Variants in PLCL1 observed in about 807,000 individuals in gnomAD.
The protein encoded by PLCL1 is inactive phospholipase C-like protein 1.
PLCL1 carries 41 observed loss-of-function variants against 84.4 expected under a neutral mutation model. That is an observed-to-expected ratio of 0.49 (90% CI 0.38 to 0.63). PLCL1 has a LOEUF of 0.63. Among genes scored for constraint, PLCL1 ranks in the 30% least tolerant of loss-of-function variants. The pLI is 0.00. For synonymous variants in PLCL1, 490 were observed against 488.3 expected (o/e 1.00, Z -0.05); for missense variants, 1,206 against 1,367.8 (o/e 0.88, Z 1.87).
In PLCL1 at chr2:198,084,255, A is replaced by G. The variant is rs757779881; in HGVS notation, c.738A>G (p.Thr246=). Residue 246 remains threonine (T), a synonymous_variant, in exon 2 of 6, where the codon ACA becomes ACG. Transcript: ENST00000428675. Reference sequence around the variant, plus strand: ...CACCACGGTTCATGTGGTTGAAAACAGTGTTTGAAGCAGCAGATGTTGATG... The same window carrying G: ...CACCACGGTTCATGTGGTTGAAAACGGTGTTTGAAGCAGCAGATGTTGATG... The part of the protein sequence containing the change: ...QNTPRFMWLK[T]VFEAADVDGN... 6.2e-7 allele frequency: 1 copy of G among 1,614,166 alleles called. No homozygotes were observed. The highest frequency in any genetic ancestry group is 1.1e-5 in the South Asian group (1 of 91,086).
chr2:197,868,704 G>A (rs1377438073), intron 1 of PLCL1, among the ~76,000 whole-genome samples: 3 of 147,396 alleles, frequency 2.0e-5, no homozygotes, highest in Admixed American at 6.8e-5. Flanking sequence ...ATAAGGTCTC[G>A]CTTTTTTTTT....
At chr2:198,030,675 T>G (rs1209071854) in intron 1 of PLCL1, among the ~76,000 whole-genome samples, 1 of 152,224 alleles carries the variant, frequency 6.6e-6, no homozygotes, top group Non-Finnish European at 1.5e-5. Flanking sequence ...CTTTAACAGC[T>G]CTGTGAGGTG....
chr2:197,826,385 C>T (rs1341206434), intron 1 of PLCL1, among the ~76,000 whole-genome samples: 1 of 152,098 alleles, frequency 6.6e-6, no homozygotes, highest in Non-Finnish European at 1.5e-5. Context: ...CTCTTTCCTT[C>T]AAATATTGAA....
chr2:198,036,806 C>T (rs1038980129), intron 1 of PLCL1, among the ~76,000 whole-genome samples: 3 of 149,750 alleles, frequency 2.0e-5, no homozygotes, highest in African/African-American at 7.2e-5. Flanking sequence ...AAATACTTAA[C>T]AGCAAGCAAA....
rs768500563 is a variant in PLCL1 at position 198,084,090 on chromosome 2, C to T, written c.573C>T (p.Ser191=). 2.2e-5 allele frequency: 35 copies of T among 1,614,036 alleles called. No individual in the cohort carries two copies. In the Middle Eastern group the frequency reaches 3.6e-3, roughly 167 times the overall value. Residue 191 remains serine, a synonymous_variant, in exon 2 of 6, where the codon TCC becomes TCT. Transcript: ENST00000428675. The part of the protein sequence containing the change: ...ADQICEDCAF[S]ILHGENYESL... The stretch of plus-strand genomic sequence containing the variant: ...AGATCTGTGAGGACTGTGCCTTTTC[C>T]ATACTCCACGGGGAAAACTATGAGT...
intron 1 of PLCL1, among the ~76,000 whole-genome samples, chr2:197,823,847 A>T (rs1690869819): frequency 6.6e-6 from 1 of 152,024 alleles, no homozygotes; most frequent in Non-Finnish European, 1.5e-5. Context: ...TCTGTAAACC[A>T]CTCCTCAGTA....
chr2:198,102,704 T>G (rs1374737740), intron 4 of PLCL1, among the ~76,000 whole-genome samples: 1 of 152,090 alleles, frequency 6.6e-6, no homozygotes, highest in African/African-American at 2.4e-5. Context: ...GAGAGAAGAC[T>G]TGAAGGGATT....
At position 197,917,714 on chromosome 2, in the gene PLCL1, T is replaced by C. The variant is rs116636067; in HGVS notation, c.240+112375T>C. On this transcript the variant is annotated intron_variant, in intron 1 of 5. Transcript: ENST00000428675. Reference sequence around the variant, plus strand: ...CCAAGGAAAAGGAACCAAGGCTCCTTATGTAAGTGGATGATTCTAGGACTG... The same window carrying C: ...CCAAGGAAAAGGAACCAAGGCTCCTCATGTAAGTGGATGATTCTAGGACTG... 9.2e-3 allele frequency among the ~76,000 whole-genome samples: 1,397 copies of C among 152,166 alleles called. 21 individuals carry two copies. Among genetic ancestry groups the C allele is most frequent in the African/African-American group, 0.032 (1,340 of 41,488 alleles).
intron 1 of PLCL1, among the ~76,000 whole-genome samples, chr2:198,058,370 G>A (rs1317013078): frequency 2.0e-5 from 3 of 151,910 alleles, no homozygotes; most frequent in Admixed American, 2.0e-4. Context: ...TTCTCAAGGT[G>A]TCTACTGTAA....
intron 1 of PLCL1, among the ~76,000 whole-genome samples, chr2:197,944,687 C>T (rs1689235918): frequency 6.6e-6 from 1 of 152,176 alleles, no homozygotes; most frequent in South Asian, 2.1e-4. Flanking sequence ...AGCTGCAGCT[C>T]ACCAATGATG....
At chr2:197,983,860 A>G (rs1690167942) in intron 1 of PLCL1, among the ~76,000 whole-genome samples, 3 of 152,176 alleles carry the variant, frequency 2.0e-5, no homozygotes, top group African/African-American at 4.8e-5. Context: ...AAAATACACA[A>G]AGGATTACAG....
chr2:198,004,324 T>C (rs1690676120), intron 1 of PLCL1, among the ~76,000 whole-genome samples: 1 of 152,188 alleles, frequency 6.6e-6, no homozygotes, highest in Non-Finnish European at 1.5e-5. Flanking sequence ...ATTCAGTTCC[T>C]TGATGGATCA....
intron 5 of PLCL1, among the ~76,000 whole-genome samples, chr2:198,138,368 A>G (rs762077665): frequency 2.6e-5 from 4 of 152,080 alleles, no homozygotes; most frequent in Non-Finnish European, 5.9e-5. Flanking sequence ...AGAACTTACT[A>G]TCACAAGAAC....
intron 1 of PLCL1, among the ~76,000 whole-genome samples, chr2:198,030,312 A>G (rs972889186): frequency 6.6e-6 from 1 of 152,124 alleles, no homozygotes; most frequent in African/African-American, 2.4e-5. Flanking sequence ...AATGGCCTCC[A>G]TCTCTGTCTT....
At chr2:197,901,029 A>G (rs888511977) in intron 1 of PLCL1, among the ~76,000 whole-genome samples, 3 of 152,334 alleles carry the variant, frequency 2.0e-5, no homozygotes, top group Non-Finnish European at 4.4e-5. Context: ...AAAATGGATT[A>G]GGTACATACA....
At chr2:198,105,199 A>T (rs1334783638) in intron 5 of PLCL1, among the ~76,000 whole-genome samples, 2 of 151,916 alleles carry the variant, frequency 1.3e-5, no homozygotes, top group African/African-American at 4.8e-5. Flanking sequence ...TGTATATGGT[A>T]CAAGGAAGAG....
chr2:197,983,256 C>G (rs1249231477), intron 1 of PLCL1, among the ~76,000 whole-genome samples: 2 of 88,996 alleles, frequency 2.2e-5, no homozygotes, highest in African/African-American at 4.1e-5. Flanking sequence ...GGGTCTTGCT[C>G]TGTTGCTGAG....
intron 1 of PLCL1, among the ~76,000 whole-genome samples, chr2:197,811,872 A>G (rs1690594994): frequency 6.6e-6 from 1 of 152,062 alleles, no homozygotes; most frequent in African/African-American, 2.4e-5. Flanking sequence ...CCTTGGGTAA[A>G]TTGCATGTTG....
At chr2:198,035,030 T>C (rs920973849) in intron 1 of PLCL1, among the ~76,000 whole-genome samples, 1 of 152,220 alleles carries the variant, frequency 6.6e-6, no homozygotes, top group Non-Finnish European at 1.5e-5. Flanking sequence ...TGTGTTCACT[T>C]AATTAATGTG....
Sources: gnomAD v4.1 joint callset for allele counts (sites outside exome capture counted in the v4.1 genomes callset) on GRCh38, gnomAD v4.1.1 for gene constraint, MANE v1.5 for transcripts, NCBI Gene and HGNC (gene_info 2026-07-23, HGNC 2026-07-21) for gene names.